ABCB5: variants seen among roughly 807,000 people sequenced by gnomAD.
ABCB5 encodes ATP-binding cassette sub-family B member 5.
A neutral mutation model predicts 144.2 loss-of-function variants in ABCB5; 155 were observed. That is an observed-to-expected ratio of 1.08 (90% CI 0.94 to 1.23). The LOEUF (loss-of-function observed/expected upper bound fraction) is 1.23, where lower values mean the gene tolerates loss of function less well. ABCB5 is among the 50% of genes most tolerant of loss of function. The pLI, the probability that ABCB5 is intolerant of heterozygous loss-of-function variation, is 0.00. For missense variants in ABCB5, 1,830 were observed against 1,520.8 expected (o/e 1.20, Z -3.38); for synonymous variants, 610 against 528.6 (o/e 1.15, Z -2.11).
chr7:20,650,082 A>C lies in ABCB5; in HGVS notation c.1267A>C (p.Asn423His). ...SGETVALVGL[N>H]GSGKSTVVQL... ...AGAGACAGTCGCCTTGGTCGGTCTC[A>C]ATGGCAGTGGGAAGAGTACGGTAGT... The change falls in exon 12 of 28, where the codon AAT becomes CAT. Residue 423 changes from asparagine (N) to histidine (H), a missense_variant. By Grantham distance (68) the Asn-to-His change is moderately conservative. Transcript: ENST00000404938. 1 of 1,613,606 alleles carries C rather than the reference A, an allele frequency of 6.2e-7. No homozygotes were observed. The highest frequency in any genetic ancestry group is 8.5e-7 in the Non-Finnish European group (1 of 1,179,616).
Position 20,711,044 on chromosome 7 carries a change from C to T in ABCB5, c.2421+6237C>T, listed in dbSNP as rs191537663. The stretch of plus-strand genomic sequence containing the variant: ...AAGCAATATGGATGTCAACTTACAG[C>T]GTAAGAAACTTAAAATAGTGCAGTA... On this transcript the variant is annotated intron_variant, in intron 20 of 27. Transcript: ENST00000404938. 2.7e-3 allele frequency among the ~76,000 whole-genome samples: 400 copies of T among 149,952 alleles called. 32 individuals carry two copies. Among genetic ancestry groups the T allele is most frequent in the African/African-American group, 9.6e-3 (389 of 40,670 alleles).
intron 16 of ABCB5, among the ~76,000 whole-genome samples, 198 bp from the exon 17 acceptor site, chr7:20,698,209 G>C (rs935717520): frequency 6.6e-6 from 1 of 152,110 alleles, no homozygotes; most frequent in Non-Finnish European, 1.5e-5. Context: ...AGTCACTTGT[G>C]GCAAATCTTC....
At chr7:20,656,365 A>G (rs1425388370) in intron 13 of ABCB5, among the ~76,000 whole-genome samples, 1 of 152,190 alleles carries the variant, frequency 6.6e-6, no homozygotes, top group African/African-American at 2.4e-5. Context: ...TATAATATAC[A>G]TGTCCGACAA....
In ABCB5 at chr7:20,753,500, T is replaced by C. The variant is rs984996912; in HGVS notation, c.3570T>C (p.Ser1190=). The C allele has an allele frequency of 2.5e-6, 4 of 1,611,874 alleles. No individual in the cohort carries two copies. The Admixed American group carries it at 6.7e-5, about 27-fold the overall frequency. ...DEATSALDND[S]EKVVQHALDK... ...CCACTTCAGCCCTCGATAATGACAG[T>C]GAGAAGGTAACATCATTTTCTTTTA... The change falls in exon 27 of 28, where the codon AGT becomes AGC. Residue 1190 remains serine (S), a synonymous_variant. Coordinates refer to ENST00000404938, the MANE Select transcript of ABCB5 (RefSeq NM_001163941.2).
In ABCB5 at chr7:20,739,009, C is replaced by G; in HGVS notation, c.2894C>G (p.Ala965Gly). 6.2e-7 allele frequency: 1 copy of G among 1,611,658 alleles called. No individual in the cohort carries two copies. The highest frequency in any genetic ancestry group is 8.5e-7 in the Non-Finnish European group (1 of 1,178,988). ...FIVFTAIAYGAMAIGETLVLA... is the reference protein window; with the variant it reads ...FIVFTAIAYGGMAIGETLVLA... ...GTTTTTACTGCAATTGCATATGGAG[C>G]TATGGCCATCGGAGAAACGCTCGTT... Residue 965 changes from alanine to glycine, a missense_variant, in exon 24 of 28, where the codon GCT (alanine) becomes GGT (glycine). Physicochemically the swap from Ala to Gly is moderately conservative, Grantham distance 60. Coordinates refer to ENST00000404938, the MANE Select transcript of ABCB5 (RefSeq NM_001163941.2).
chr7:20,620,782 C>T (rs1315464633), intron 1 of ABCB5, among the ~76,000 whole-genome samples: 2 of 152,068 alleles, frequency 1.3e-5, no homozygotes, highest in Admixed American at 6.6e-5. Flanking sequence ...AAGCCTTGTA[C>T]ATTGCTCGTA....
chr7:20,660,304 A>G, intron 14 of ABCB5: 2 of 985,022 alleles, frequency 2.0e-6, no homozygotes, highest in Non-Finnish European at 2.4e-6. Flanking sequence ...TGGCATAATT[A>G]TGGGGGAATT....
chr7:20,738,715 G>C (rs1191922000), intron 23 of ABCB5, among the ~76,000 whole-genome samples: 1 of 152,142 alleles, frequency 6.6e-6, no homozygotes, highest in Admixed American at 6.5e-5. Flanking sequence ...ATATTCACTA[G>C]TTGGGACCTT....
Position 20,745,403 on chromosome 7 carries a change from G to C in ABCB5, c.3394G>C (p.Ala1132Pro), listed in dbSNP as rs1782688464. The change falls in exon 26 of 28, where the codon GCA (alanine) becomes CCA (proline). Residue 1132 changes from alanine (A) to proline (P), a missense_variant. By Grantham distance (27) the Ala-to-Pro change is conservative (BLOSUM62 -1). Transcript: ENST00000404938. ...TGAGATCAAAGAAGCCGCAAATGCA[G>C]CAAATATCCATTCTTTTATTGAAGG... Reference protein sequence around the residue: ...LDEIKEAANAANIHSFIEGLP... With the variant: ...LDEIKEAANAPNIHSFIEGLP... 1 of 1,614,084 alleles carries C rather than the reference G, an allele frequency of 6.2e-7. No individual in the cohort carries two copies. The highest frequency in any genetic ancestry group is 1.3e-5 in the African/African-American group (1 of 74,926).
At chr7:20,642,908 A>G (rs1784324253) in intron 5 of ABCB5, among the ~76,000 whole-genome samples, 1 of 152,158 alleles carries the variant, frequency 6.6e-6, no homozygotes, top group Non-Finnish European at 1.5e-5. Context: ...GAACTTTTTC[A>G]TATGAAAGTA....
At chr7:20,641,360 C>T (rs1784291678) in intron 5 of ABCB5, among the ~76,000 whole-genome samples, 1 of 151,750 alleles carries the variant, frequency 6.6e-6, no homozygotes, top group Admixed American at 6.6e-5. Flanking sequence ...AAAACACACA[C>T]ACACACACAC....
chr7:20,698,545 A>G lies in ABCB5; in HGVS notation c.2149A>G (p.Ile717Val), dbSNP rs767740833. 1.1e-5 allele frequency: 18 copies of G among 1,590,940 alleles called. No homozygotes were observed. The highest frequency in any genetic ancestry group is 4.1e-5 in the African/African-American group (3 of 73,288). Residue 717 changes from isoleucine (I) to valine (V), a missense_variant, in exon 17 of 28, where the codon ATA becomes GTA. Physicochemically the swap from Ile to Val is conservative, Grantham distance 29. Coordinates refer to ENST00000404938, the MANE Select transcript of ABCB5 (RefSeq NM_001163941.2). ...ATTTTCCATCATCTTTGCAAAAATT[A>G]TAACCGTAAGTAAAATAAATTTGCT... Reference protein sequence around the residue: ...PVFSIIFAKIITMFGNNDKTT... With the variant: ...PVFSIIFAKIVTMFGNNDKTT...
At chr7:20,654,119 T>C (rs1043724399) in intron 13 of ABCB5, among the ~76,000 whole-genome samples, 3 of 152,222 alleles carry the variant, frequency 2.0e-5, no homozygotes, top group Admixed American at 6.5e-5. Flanking sequence ...AAAATGAAGA[T>C]TGCACAAGTT....
chr7:20,688,211 CAAAAT>C (rs541285397), intron 16 of ABCB5, among the ~76,000 whole-genome samples: 2 of 151,300 alleles, frequency 1.3e-5, no homozygotes, highest in Non-Finnish European at 2.9e-5. Flanking sequence ...AACCAAAAAA[CAAAAT>C]AAAATAAAAT....
chr7:20,669,119 C>A (rs1208707201), intron 14 of ABCB5, among the ~76,000 whole-genome samples: 7 of 151,002 alleles, frequency 4.6e-5, no homozygotes, highest in Non-Finnish European at 7.4e-5. Flanking sequence ...GTCAGCCCCC[C>A]ACCCGGCCAG....
At chr7:20,704,291 G>A (rs1319078973) in intron 19 of ABCB5, among the ~76,000 whole-genome samples, 2 of 151,862 alleles carry the variant, frequency 1.3e-5, no homozygotes, top group Non-Finnish European at 1.5e-5. Context: ...TGGCCAGGCT[G>A]GTCTCGACCC....
At chr7:20,745,129 C>G (rs1782678899) in intron 25 of ABCB5, 103 bp from the exon 26 acceptor site, 22 of 1,216,052 alleles carry the variant, frequency 1.8e-5, no homozygotes, top group Non-Finnish European at 2.6e-5. Context: ...AGCTTGAATT[C>G]CTATCCTTCT....
chr7:20,664,716 T>C (rs935139416), intron 14 of ABCB5, among the ~76,000 whole-genome samples: 1 of 152,092 alleles, frequency 6.6e-6, no homozygotes, highest in Non-Finnish European at 1.5e-5. Flanking sequence ...CACCATTTAC[T>C]CTTCTTACCC....
intron 14 of ABCB5, chr7:20,659,151 C>G (rs1784913332): frequency 6.2e-7 from 1 of 1,613,730 alleles, no homozygotes; most frequent in East Asian, 2.2e-5. Context: ...ACAGCTCTGG[C>G]CCCTCAAACC....
Sources: gnomAD v4.1 joint callset for allele counts (sites outside exome capture counted in the v4.1 genomes callset) on GRCh38, gnomAD v4.1.1 for gene constraint, MANE v1.5 for transcripts, NCBI Gene and HGNC (gene_info 2026-07-23, HGNC 2026-07-21) for gene names.